CUL3: variants seen among roughly 807,000 people sequenced by gnomAD.
CUL3 encodes the protein cullin-3.
A neutral mutation model predicts 89.1 loss-of-function variants in CUL3; 19 were observed. The observed-to-expected ratio is 0.21, with a 90% CI of 0.15 to 0.31. The LOEUF is 0.31. Ranked by LOEUF, CUL3 falls within the 10% of genes least tolerant of loss-of-function variation. CUL3 has a pLI of 1.00. For synonymous variants in CUL3, 351 were observed against 308.4 expected (o/e 1.14, Z -1.45); for missense variants, 469 against 942.3 (o/e 0.50, Z 6.58).
At chr2:224,514,196 C>T (rs748731425) in intron 4 of CUL3, among the ~76,000 whole-genome samples, 1 of 152,006 alleles carries the variant, frequency 6.6e-6, no homozygotes, top group Non-Finnish European at 1.5e-5. Context: ...TGAAATCTGA[C>T]TTAAAAGGGG....
At chr2:224,489,959 A>G (rs1230861737) in intron 13 of CUL3, among the ~76,000 whole-genome samples, 1 of 152,252 alleles carries the variant, frequency 6.6e-6, no homozygotes, top group African/African-American at 2.4e-5. Flanking sequence ...TATCCATCTG[A>G]CAAAGGTCTA....
chr2:224,585,307 TGGCGGC>T lies in CUL3; in HGVS notation c.-304_-299del, dbSNP rs1007365360. On this transcript the variant is annotated 5_prime_UTR_variant, in exon 1 of 16. Coordinates refer to ENST00000264414, the MANE Select transcript of CUL3 (RefSeq NM_003590.5). ...CTCCCTTTATCGCGCTCCTCCGCGA[TGGCGGC>T]GGCGGCGGCGACGGACAAACATCTC... is the stretch of plus-strand genomic sequence containing the variant. The T allele has an allele frequency of 1.4e-4, 56 of 399,678 alleles. No homozygotes were observed. The highest frequency in any genetic ancestry group is 6.2e-4 in the Middle Eastern group (1 of 1,618). The allele number at this position is 399,678 out of a possible 1,614,324, so 24.8% of individuals were successfully genotyped here. A position where few individuals can be genotyped will look rare whatever the true frequency, so the allele number is the denominator to read the frequency against.
Position 224,474,238 on chromosome 2 carries a change from A to G in CUL3, c.*7T>C, listed in dbSNP as rs1178456407. On this transcript the variant is annotated 3_prime_UTR_variant, in exon 16 of 16. Coordinates refer to ENST00000264414, the MANE Select transcript of CUL3 (RefSeq NM_003590.5). ...GTCCAAGAATAAATCAAATTTCTGA[A>G]CGCATTTTATGCTACATATGTGTAT... 2.5e-6 allele frequency: 4 copies of G among 1,611,476 alleles called. No homozygotes were observed. The East Asian group carries it at 8.9e-5, about 36-fold the overall frequency.
intron 2 of CUL3, 141 bp downstream of exon 2, chr2:224,557,518 G>C: frequency 2.1e-6 from 1 of 487,388 alleles, no homozygotes; most frequent in Non-Finnish European, 3.4e-6. Flanking sequence ...TTTCATGAGT[G>C]CTTATTAACA....
At chr2:224,535,948 G>A (rs1379592966) in intron 2 of CUL3, among the ~76,000 whole-genome samples, 1 of 151,948 alleles carries the variant, frequency 6.6e-6, no homozygotes, top group Non-Finnish European at 1.5e-5. Context: ...AAGTTACAAG[G>A]GCCTGTAAGA....
At chr2:224,526,968 T>C (rs1298708350) in intron 3 of CUL3, among the ~76,000 whole-genome samples, 5 of 152,204 alleles carry the variant, frequency 3.3e-5, no homozygotes, top group Non-Finnish European at 5.9e-5. Flanking sequence ...AGGCACATTC[T>C]TAACCTTTAC....
intron 1 of CUL3, among the ~76,000 whole-genome samples, chr2:224,575,261 GA>G (rs1456486869): frequency 4.6e-5 from 7 of 152,228 alleles, no homozygotes; most frequent in African/African-American, 1.7e-4. Flanking sequence ...GCTCAGGCAA[GA>G]AAGGGGAGAG....
At chr2:224,562,911 T>C (rs1390026846) in intron 1 of CUL3, 4 of 181,094 alleles carry the variant, frequency 2.2e-5, no homozygotes, top group African/African-American at 7.2e-5. Context: ...TCACAAGCCA[T>C]GTGACCTTGA....
At chr2:224,503,375 C>T (rs1692465025) in intron 9 of CUL3, among the ~76,000 whole-genome samples, 2 of 152,194 alleles carry the variant, frequency 1.3e-5, no homozygotes, top group Admixed American at 1.3e-4. Flanking sequence ...AAGAACTACA[C>T]AGCATAGCCT....
intron 3 of CUL3, among the ~76,000 whole-genome samples, chr2:224,518,877 G>A (rs559922946): frequency 7.9e-5 from 12 of 152,106 alleles, no homozygotes; most frequent in Non-Finnish European, 1.5e-4. Context: ...TGATGGTATC[G>A]CTACTAAAGG....
intron 2 of CUL3, among the ~76,000 whole-genome samples, chr2:224,543,541 G>C (rs566166283): frequency 7.9e-5 from 12 of 152,214 alleles, no homozygotes; most frequent in African/African-American, 2.4e-4. Flanking sequence ...GGCCACTCGT[G>C]TTTCAGATTT....
At chr2:224,553,900 T>C (rs946394500) in intron 2 of CUL3, among the ~76,000 whole-genome samples, 6 of 152,218 alleles carry the variant, frequency 3.9e-5, no homozygotes, top group Non-Finnish European at 8.8e-5. Flanking sequence ...AGACAACAGT[T>C]AACCTTAAAT....
intron 3 of CUL3, among the ~76,000 whole-genome samples, chr2:224,527,489 T>C (rs1049649312): frequency 1.3e-5 from 2 of 152,218 alleles, no homozygotes; most frequent in African/African-American, 4.8e-5. Flanking sequence ...TTGCCACCTA[T>C]TACCTTTGGT....
chr2:224,472,274 T>TTAA lies in CUL3; in HGVS notation c.*1970_*1971insTTA, dbSNP rs1264342168. On this transcript the variant is annotated 3_prime_UTR_variant, in exon 16 of 16. Coordinates refer to ENST00000264414, the MANE Select transcript of CUL3 (RefSeq NM_003590.5). ...ACGTAAACTTAAACTTTACTTTTAA[T>TTAA]GGCTTAAACTAGCACTAAAATGTTT... 2.8e-5 allele frequency: 6 copies of TTAA among 217,592 alleles called. No individual in the cohort carries two copies. The highest frequency in any genetic ancestry group is 5.5e-5 in the Non-Finnish European group (6 of 108,358). The allele number at this position is 217,592 out of a possible 1,614,324, so 13.5% of individuals were successfully genotyped here. A position where few individuals can be genotyped will look rare whatever the true frequency, so the allele number is the denominator to read the frequency against.
At chr2:224,502,910 C>T in intron 10 of CUL3, 55 bp downstream of exon 10, 1 of 1,190,628 alleles carries the variant, frequency 8.4e-7, no homozygotes, top group South Asian at 1.3e-5. Flanking sequence ...GAAAATATAC[C>T]CATTACAAAA....
At chr2:224,503,302 T>C (rs1012352324) in intron 9 of CUL3, among the ~76,000 whole-genome samples, 4 of 152,222 alleles carry the variant, frequency 2.6e-5, no homozygotes, top group African/African-American at 9.6e-5. Flanking sequence ...GGCCCAGAAC[T>C]GTTTTTAACT....
intron 3 of CUL3, 74 bp from the exon 4 acceptor site, chr2:224,514,846 T>TA: frequency 9.5e-7 from 1 of 1,057,946 alleles, no homozygotes. Context: ...CAATAACAAA[T>TA]AAAGGAAATA....
chr2:224,541,867 G>A (rs1273805982), intron 2 of CUL3, among the ~76,000 whole-genome samples: 2 of 151,968 alleles, frequency 1.3e-5, no homozygotes, highest in Non-Finnish European at 2.9e-5. Flanking sequence ...ATAGTGTTAA[G>A]ATAGCAGATC....
At chr2:224,551,843 A>C (rs1217853661) in intron 2 of CUL3, among the ~76,000 whole-genome samples, 2 of 151,986 alleles carry the variant, frequency 1.3e-5, no homozygotes, top group Non-Finnish European at 2.9e-5. Flanking sequence ...TGCCTAGAAT[A>C]CTCTTCAACC....
Sources: gnomAD v4.1 joint callset for allele counts (sites outside exome capture counted in the v4.1 genomes callset) on GRCh38, gnomAD v4.1.1 for gene constraint, MANE v1.5 for transcripts, NCBI Gene and HGNC (gene_info 2026-07-23, HGNC 2026-07-21) for gene names.